The following DDHD1 variants were observed in gnomAD, a reference collection of about 807,000 sequenced individuals.
The protein encoded by DDHD1 is phospholipase DDHD1.
Under a neutral mutation model 96.4 loss-of-function variants are expected in DDHD1, and 49 were observed. The observed-to-expected ratio is 0.51, with a 90% confidence interval of 0.40 to 0.64. The LOEUF is 0.64. Among genes scored for constraint, DDHD1 ranks in the 30% least tolerant of loss-of-function variants. The pLI, the probability that DDHD1 is intolerant of heterozygous loss-of-function variation, is 0.00. For synonymous variants in DDHD1, 442 were observed against 446.5 expected (o/e 0.99, Z 0.13); for missense variants, 1,106 against 1,161.2 (o/e 0.95, Z 0.69).
chr14:53,132,246 C>T (rs560253113), intron 1 of DDHD1, among the ~76,000 whole-genome samples: 8 of 152,264 alleles, frequency 5.3e-5, no homozygotes, highest in South Asian at 4.2e-4. Flanking sequence ...GAGCTGGGAC[C>T]GTACCTTGTG....
intron 1 of DDHD1, among the ~76,000 whole-genome samples, chr14:53,148,648 C>G (rs543737605): frequency 3.2e-4 from 49 of 152,312 alleles, no homozygotes; most frequent in African/African-American, 1.2e-3. Flanking sequence ...CATGAAATAT[C>G]TCTAGAATGT....
At chr14:53,077,339 T>C (rs186033288) in intron 4 of DDHD1, among the ~76,000 whole-genome samples, 7 of 152,306 alleles carry the variant, frequency 4.6e-5, no homozygotes, top group Middle Eastern at 6.8e-3. Flanking sequence ...CATTTGTTTA[T>C]AGGCTTATAC....
Position 53,061,128 on chromosome 14 carries a change from T to C in DDHD1, c.1840A>G (p.Lys614Glu). 1 of 1,607,534 alleles carries C rather than the reference T, an allele frequency of 6.2e-7. No individual in the cohort carries two copies. Among genetic ancestry groups the C allele is most frequent in the Non-Finnish European group, 8.5e-7 (1 of 1,178,566 alleles). Residue 614 changes from lysine (K) to glutamate (E), a missense_variant and splice_region_variant, in exon 8 of 13, where the codon AAG becomes GAG. Lys to Glu is a moderately conservative substitution (Grantham distance 56, BLOSUM62 1). This residue lies in a region of DDHD1 where 650 missense variants were observed against 758.8 expected (regional missense o/e 0.86). Transcript: ENST00000673822. ...SMTQTPALKF[K>E]VENFFCMGSP... ...AGAACACATTGCTCTTTCCTTACCT[T>C]AAATTTTAAGGCAGGTGTTTGTGTC...
At chr14:53,134,900 A>G (rs1232967726) in intron 1 of DDHD1, among the ~76,000 whole-genome samples, 2 of 152,114 alleles carry the variant, frequency 1.3e-5, no homozygotes, top group Non-Finnish European at 2.9e-5. Flanking sequence ...TCTATATAAC[A>G]AATGTTCCTT....
At chr14:53,071,862 A>C (rs1884537008) in intron 6 of DDHD1, among the ~76,000 whole-genome samples, 1 of 152,118 alleles carries the variant, frequency 6.6e-6, no homozygotes, top group African/African-American at 2.4e-5. Context: ...AGAAGAGAGA[A>C]GCAGTAAACA....
chr14:53,153,209 A>C lies in DDHD1; in HGVS notation c.-111T>G. On this transcript the variant is annotated 5_prime_UTR_variant, in exon 1 of 13. It adds an upstream start codon to the 5' untranslated region. Coordinates refer to ENST00000673822, the MANE Select transcript of DDHD1 (RefSeq NM_001160148.2). ...TCCACCCGAAGTTTCTAATCTTTCA[A>C]ATCCCGACCCGAGCTGCGGCGGCAG... is the stretch of plus-strand genomic sequence containing the variant. 9.9e-7 allele frequency: 1 copy of C among 1,009,568 alleles called. No individual in the cohort carries two copies. Among genetic ancestry groups the C allele is most frequent in the Non-Finnish European group, 1.3e-6 (1 of 760,224 alleles). The allele number at this position is 1,009,568 out of a possible 1,614,324, so 62.5% of individuals were successfully genotyped here. A position where few individuals can be genotyped will look rare whatever the true frequency, so the allele number is the denominator to read the frequency against.
intron 12 of DDHD1, among the ~76,000 whole-genome samples, chr14:53,047,505 C>A (rs1566510627): frequency 6.6e-6 from 1 of 152,162 alleles, no homozygotes; most frequent in African/African-American, 2.4e-5. Flanking sequence ...CCCCCATAAA[C>A]CCTAGTGTCC....
At chr14:53,054,376 C>T in intron 11 of DDHD1, 62 bp downstream of exon 11, 1 of 1,507,614 alleles carries the variant, frequency 6.6e-7, no homozygotes, top group Non-Finnish European at 9.1e-7. Flanking sequence ...TTATACCTCC[C>T]TGCCCTCCCC....
chr14:53,070,207 C>T (rs747451150), intron 6 of DDHD1, among the ~76,000 whole-genome samples: 2 of 152,140 alleles, frequency 1.3e-5, no homozygotes, highest in African/African-American at 4.8e-5. Flanking sequence ...ATATTCTGTG[C>T]TATAAAACTC....
intron 1 of DDHD1, among the ~76,000 whole-genome samples, chr14:53,139,709 AAAAAAAC>A (rs1448178077): frequency 6.6e-6 from 1 of 151,986 alleles, no homozygotes; most frequent in East Asian, 1.9e-4. Context: ...AAACAAAAAC[AAAAAAAC>A]AAAAAACAAG....
In DDHD1 at chr14:53,073,736, T is replaced by C; in HGVS notation, c.1396+5A>G. ...CTAAATCATTCAATTTTTAAATAAATATACCTCCATCAAGAGTAAGTTTTG... is the reference window on the plus strand; with the variant it reads ...CTAAATCATTCAATTTTTAAATAAACATACCTCCATCAAGAGTAAGTTTTG... On this transcript the variant is annotated splice_donor_5th_base_variant and intron_variant, in intron 5 of 12. Transcript: ENST00000673822. The C allele has an allele frequency of 1.9e-6, 3 of 1,601,374 alleles. No homozygotes were observed. In the African/African-American group the frequency reaches 4.0e-5, roughly 22 times the overall value.
intron 4 of DDHD1, among the ~76,000 whole-genome samples, chr14:53,076,773 G>A (rs765623469): frequency 6.6e-6 from 1 of 152,148 alleles, no homozygotes; most frequent in Non-Finnish European, 1.5e-5. Flanking sequence ...CAACATGGAC[G>A]CAAGACCCTT....
Position 53,104,209 on chromosome 14 carries a change from C to T in DDHD1, c.839-353G>A, listed in dbSNP as rs1224275022. ...GTGACCACCTTGGCCTCCCAAAGTG[C>T]TAGGATTACAGGTATGAGCTGCTGC... On this transcript the variant is annotated intron_variant, in intron 1 of 12. Transcript: ENST00000673822. Among the ~76,000 whole-genome samples the T allele has an allele frequency of 6.6e-5, 10 of 152,106 alleles. 2 individuals are homozygous for T. The highest frequency in any genetic ancestry group is 6.6e-4 in the Admixed American group (10 of 15,266).
intron 4 of DDHD1, among the ~76,000 whole-genome samples, chr14:53,074,388 T>C (rs928603002): frequency 6.6e-6 from 1 of 151,774 alleles, no homozygotes; most frequent in Non-Finnish European, 1.5e-5. Flanking sequence ...ATTCAGAACA[T>C]GCTATTCTTT....
At chr14:53,138,002 A>C (rs1566601208) in intron 1 of DDHD1, among the ~76,000 whole-genome samples, 1 of 152,258 alleles carries the variant, frequency 6.6e-6, no homozygotes, top group African/African-American at 2.4e-5. Flanking sequence ...ATGAAGTGAT[A>C]ATTAAGTTGT....
chr14:53,039,957 C>T lies in DDHD1; in HGVS notation c.*6811G>A, dbSNP rs1296608492. 2.0e-5 allele frequency: 3 copies of T among 152,268 alleles called. No homozygotes were observed. The highest frequency in any genetic ancestry group is 4.4e-5 in the Non-Finnish European group (3 of 68,108). The allele number at this position is 152,268 out of a possible 1,614,324, so 9.4% of individuals were successfully genotyped here. A position where few individuals can be genotyped will look rare whatever the true frequency, so the allele number is the denominator to read the frequency against. On this transcript the variant is annotated 3_prime_UTR_variant, in exon 13 of 13. Coordinates refer to ENST00000673822, the MANE Select transcript of DDHD1 (RefSeq NM_001160148.2). The stretch of plus-strand genomic sequence containing the variant: ...ATACGTACACTGTCCCATCTCAATT[C>T]TACATGTAGTCCTTATAGCCTGGCC...
At chr14:53,080,717 CTTT>C (rs1555334173) in intron 4 of DDHD1, among the ~76,000 whole-genome samples, 4 of 89,536 alleles carry the variant, frequency 4.5e-5, no homozygotes, top group African/African-American at 2.1e-4. Flanking sequence ...TTCCTTCCCC[CTTT>C]TTTTTTTTTT....
rs1452203693 is a variant in DDHD1, at chr14:53,091,834, C to T, written c.1240G>A (p.Gly414Ser). The T allele has an allele frequency of 6.2e-7, 1 of 1,613,622 alleles. No homozygotes were observed. The highest frequency in any genetic ancestry group is 8.5e-7 in the Non-Finnish European group (1 of 1,179,828). The change falls in exon 4 of 13, where the codon GGC becomes AGC. Residue 414 changes from glycine (G) to serine (S), a missense_variant. Transcript: ENST00000673822. ...QTTHIVFVVH[G>S]IGQKMDQGRI... ...CCTTGGTCCATTTTCTGCCCAATGCCATGCACAACAAATACAATATGGGTA... is the reference window on the plus strand; with the variant it reads ...CCTTGGTCCATTTTCTGCCCAATGCTATGCACAACAAATACAATATGGGTA...
intron 1 of DDHD1, among the ~76,000 whole-genome samples, chr14:53,142,941 C>T (rs1251686429): frequency 6.6e-6 from 1 of 152,138 alleles, no homozygotes; most frequent in East Asian, 1.9e-4. Context: ...ACAGGAGAGC[C>T]AAGAATGTCA....
Sources: allele counts gnomAD v4.1 joint callset (sites outside exome capture counted in the v4.1 genomes callset), GRCh38; gene constraint gnomAD v4.1.1; regional missense constraint gnomAD v4.1.1; transcripts MANE v1.5; gene names NCBI Gene and HGNC (gene_info 2026-07-23, HGNC 2026-07-21).